The following MAP3K15 variants were observed in gnomAD, a reference collection of about 807,000 sequenced individuals.
MAP3K15 encodes the protein mitogen-activated protein kinase kinase kinase 15, also known as MAPK/ERK kinase kinase 15.
Under a neutral mutation model 99.5 loss-of-function variants are expected in MAP3K15, and 124 were observed. That is an observed-to-expected ratio of 1.25 (90% CI 1.08 to 1.45). MAP3K15 has a LOEUF of 1.45. MAP3K15 is among the 40% of genes most tolerant of loss of function. The pLI is 0.00. For synonymous variants in MAP3K15, 494 were observed against 439.6 expected, an observed-to-expected ratio of 1.12 and a Z score of -1.55; for missense variants, 1,242 against 1,079.7, an observed-to-expected ratio of 1.15 and a Z score of -2.11.
chrX:19,454,503 G>A (rs1192465048), intron 6 of MAP3K15, among the ~76,000 whole-genome samples: 1 of 111,859 alleles, frequency 8.9e-6, no homozygotes, highest in Non-Finnish European at 1.9e-5. Flanking sequence ...TGAACGCAGT[G>A]GAGTGGAAGG....
At chrX:19,477,049 T>C (rs1217570362) in intron 3 of MAP3K15, among the ~76,000 whole-genome samples, 1 of 111,894 alleles carries the variant, frequency 8.9e-6, no homozygotes, top group Non-Finnish European at 1.9e-5. Context: ...AATAAAGCTG[T>C]ACAAAGAACT....
intron 25 of MAP3K15, 102 bp downstream of exon 25, chrX:19,368,952 C>G: frequency 9.9e-6 from 9 of 909,015 alleles, no homozygotes; most frequent in Non-Finnish European, 1.3e-5. Flanking sequence ...TTCCTAAGAC[C>G]TGGGTGAGAT....
chrX:19,485,567 G>A (rs1286239012), intron 3 of MAP3K15, among the ~76,000 whole-genome samples: 1 of 110,934 alleles, frequency 9.0e-6, no homozygotes, highest in African/African-American at 3.3e-5. Context: ...GGGGAGCTCT[G>A]TCAGGGTCCT....
At chrX:19,433,144 AATGATAATTATCAAAGTGGATAT>A (rs1225809160) in intron 6 of MAP3K15, among the ~76,000 whole-genome samples, 1 of 112,107 alleles carries the variant, frequency 8.9e-6, no homozygotes, top group African/African-American at 3.2e-5. Context: ...TTGGCCATGC[AATGATAATTATCAAAGTGGATAT>A]GGGGTAGATG....
chrX:19,416,057 G>A (rs1374047710), intron 9 of MAP3K15, among the ~76,000 whole-genome samples: 1 of 111,953 alleles, frequency 8.9e-6, no homozygotes, highest in East Asian at 2.8e-4. Context: ...GTGGCCAGGT[G>A]CGGTGGCTCA....
At position 19,367,932 on chromosome X, in the gene MAP3K15, A is replaced by C. The variant is rs1439501493; in HGVS notation, c.3566+1122T>G. On this transcript the variant is annotated intron_variant, in intron 25 of 28. Coordinates refer to ENST00000338883, the MANE Select transcript of MAP3K15 (RefSeq NM_001001671.4). ...CCCAGCTAATTTTTGTATTTTTAGT[A>C]GAGACGGGGTTTCACCATATTGGCC... Among the ~76,000 whole-genome samples, 3 of 105,546 alleles carry C rather than the reference A, an allele frequency of 2.8e-5. No individual in the cohort carries two copies. In the Admixed American group the frequency reaches 3.1e-4, roughly 11 times the overall value. The allele number at this position is 105,546 out of a possible 115,157, so 91.7% of individuals were successfully genotyped here.
At chrX:19,478,710 C>A (rs1207107153) in intron 3 of MAP3K15, among the ~76,000 whole-genome samples, 1 of 109,460 alleles carries the variant, frequency 9.1e-6, no homozygotes, top group Non-Finnish European at 1.9e-5. Flanking sequence ...TCACCTAAAC[C>A]AGAGGTCAAG....
At chrX:19,478,165 T>G (rs866075930) in intron 3 of MAP3K15, among the ~76,000 whole-genome samples, 5 of 3,514 alleles carry the variant, frequency 1.4e-3, no homozygotes, top group Admixed American at 4.5e-3. Flanking sequence ...GGGGGGAGGG[T>G]AAGGGGGAGA....
chrX:19,384,788 T>C (rs1477477196), intron 18 of MAP3K15, among the ~76,000 whole-genome samples: 2 of 99,416 alleles, frequency 2.0e-5, no homozygotes, highest in East Asian at 6.3e-4. Flanking sequence ...AAACTGTACA[T>C]TTTAAAAAAC....
At chrX:19,506,026 G>A (rs1377721020) in intron 1 of MAP3K15, among the ~76,000 whole-genome samples, 1 of 111,290 alleles carries the variant, frequency 9.0e-6, no homozygotes, top group African/African-American at 3.3e-5. Flanking sequence ...TCCACCTCCC[G>A]AGTTCAAGCG....
intron 17 of MAP3K15, 56 bp from the exon 18 acceptor site, chrX:19,392,163 G>T: frequency 9.3e-7 from 1 of 1,079,222 alleles, no homozygotes; most frequent in Non-Finnish European, 1.3e-6. Flanking sequence ...GAACTCATAT[G>T]AAACAGATCT....
rs191381391 is a variant in MAP3K15 at position 19,495,738 on chromosome X, T to A, written c.362-6771A>T. On this transcript the variant is annotated intron_variant, in intron 1 of 28. Coordinates refer to ENST00000338883, the MANE Select transcript of MAP3K15 (RefSeq NM_001001671.4). ...TTATAGCATGAGTTAAGCCACTTCA[T>A]CTTTTGCAAATACATATTGTTCTTC... 2.8e-3 allele frequency among the ~76,000 whole-genome samples: 311 copies of A among 111,910 alleles called. 2 individuals carry two copies. Among genetic ancestry groups the A allele is most frequent in the African/African-American group, 9.5e-3 (292 of 30,890 alleles).
intron 1 of MAP3K15, among the ~76,000 whole-genome samples, chrX:19,490,532 G>C (rs184954399): frequency 7.2e-5 from 8 of 110,802 alleles, no homozygotes; most frequent in Middle Eastern, 4.6e-3. Context: ...CAGAATGCTT[G>C]AGCTCAGCAG....
chrX:19,490,140 T>TACACACAC lies in MAP3K15; in HGVS notation c.362-1181_362-1174dup, dbSNP rs59202439. Among the ~76,000 whole-genome samples, 656 of 92,430 alleles carry TACACACAC rather than the reference T, an allele frequency of 7.1e-3. 6 individuals carry two copies. The highest frequency in any genetic ancestry group is 0.021 in the African/African-American group (497 of 24,002). 80.3% of individuals were successfully genotyped at this position (92,430 alleles called of 115,157 possible). A position where few individuals can be genotyped will look rare whatever the true frequency, so the allele number is the denominator to read the frequency against. On this transcript the variant is annotated intron_variant, in intron 1 of 28. Transcript: ENST00000338883. ...TACGTACAGGCATGTATAGGCATTA[T>TACACACAC]ACACACACACACACACACACACACA...
At chrX:19,429,749 T>A (rs2063863557) in intron 7 of MAP3K15, among the ~76,000 whole-genome samples, 1 of 85,709 alleles carries the variant, frequency 1.2e-5, no homozygotes, top group African/African-American at 4.3e-5. Context: ...GCCTCCTGTG[T>A]GTATGAAAGG....
chrX:19,366,389 A>G (rs752376222), intron 25 of MAP3K15, among the ~76,000 whole-genome samples: 162 of 111,899 alleles, frequency 1.4e-3, no homozygotes, highest in Non-Finnish European at 2.5e-3. Context: ...CAACTGCCAC[A>G]TAGCCAAGGC....
chrX:19,440,806 G>A (rs1166290797), intron 6 of MAP3K15, among the ~76,000 whole-genome samples: 2 of 112,661 alleles, frequency 1.8e-5, no homozygotes, highest in Non-Finnish European at 3.7e-5. Flanking sequence ...TTATTTGCAA[G>A]TTGTAGCAGC....
At chrX:19,451,279 C>CAAAAA (rs774870935) in intron 6 of MAP3K15, among the ~76,000 whole-genome samples, 1 of 28,645 alleles carries the variant, frequency 3.5e-5, no homozygotes, top group African/African-American at 1.3e-4. Flanking sequence ...AGTCAGTTTC[C>CAAAAA]AAAAAAAAAA....
At chrX:19,371,805 C>T (rs2063377289) in intron 22 of MAP3K15, among the ~76,000 whole-genome samples, 1 of 110,929 alleles carries the variant, frequency 9.0e-6, no homozygotes, top group South Asian at 3.8e-4. Flanking sequence ...AGCGGAGCAG[C>T]GGCCTCTTCC....
Sources: allele counts gnomAD v4.1 joint callset (sites outside exome capture counted in the v4.1 genomes callset), GRCh38; gene constraint gnomAD v4.1.1; transcripts MANE v1.5; gene names NCBI Gene and HGNC (gene_info 2026-07-23, HGNC 2026-07-21).